The following PTPRN2 variants were observed in gnomAD, a reference collection of about 807,000 sequenced individuals.
PTPRN2 encodes the protein receptor-type tyrosine-protein phosphatase N2.
PTPRN2 carries 74 observed loss-of-function variants against 118.8 expected under a neutral mutation model. That is an observed-to-expected ratio of 0.62 (90% CI 0.52 to 0.76). The LOEUF is 0.76. Among genes scored for constraint, PTPRN2 ranks in the 30% least tolerant of loss-of-function variants. The probability of loss-of-function intolerance (pLI) is 0.00; values close to 1 mark genes in which losing one functional copy is unlikely to be tolerated. For synonymous variants in PTPRN2, 641 were observed against 608.0 expected (o/e 1.05, Z -0.80); for missense variants, 1,481 against 1,394.4 (o/e 1.06, Z -0.99).
rs532247601 is a variant in PTPRN2, at chr7:158,247,463, G to A, written c.278-42190C>T. Reference sequence around the variant, plus strand: ...TCCCAGGTGTGCTCTTCTTCACGGCGCCCCTGCTTCCCCACCACGCCCATG... The same window carrying A: ...TCCCAGGTGTGCTCTTCTTCACGGCACCCCTGCTTCCCCACCACGCCCATG... On this transcript the variant is annotated intron_variant, in intron 3 of 22. Coordinates refer to ENST00000389418, the MANE Select transcript of PTPRN2 (RefSeq NM_002847.5). Among the ~76,000 whole-genome samples, 85 of 152,238 alleles carry A rather than the reference G, an allele frequency of 5.6e-4. 1 individual carries two copies. The highest frequency in any genetic ancestry group is 2.9e-3 in the South Asian group (14 of 4,820).
At chr7:158,389,562 TTAAA>T (rs1246194346) in intron 2 of PTPRN2, among the ~76,000 whole-genome samples, 4 of 152,220 alleles carry the variant, frequency 2.6e-5, no homozygotes, top group African/African-American at 9.6e-5. Flanking sequence ...CTCCTCCTTA[TTAAA>T]TAAATTAAAA....
intron 11 of PTPRN2, among the ~76,000 whole-genome samples, chr7:157,909,141 CA>C (rs780342135): frequency 4.6e-5 from 7 of 152,280 alleles, no homozygotes; most frequent in Non-Finnish European, 8.8e-5. Flanking sequence ...TCACTACTCA[CA>C]GGATTATAAT....
At chr7:157,885,306 C>T (rs1214409490) in intron 12 of PTPRN2, among the ~76,000 whole-genome samples, 2 of 152,164 alleles carry the variant, frequency 1.3e-5, no homozygotes, top group Non-Finnish European at 2.9e-5. Flanking sequence ...ACACCTGCAG[C>T]ACGTTCCTCC....
At chr7:158,221,100 A>G (rs529995609) in intron 3 of PTPRN2, among the ~76,000 whole-genome samples, 34 of 152,314 alleles carry the variant, frequency 2.2e-4, no homozygotes, top group African/African-American at 7.9e-4. Flanking sequence ...AAAGTCAACA[A>G]AAACAAGAAA....
intron 2 of PTPRN2, among the ~76,000 whole-genome samples, chr7:158,403,766 G>A (rs1470593917): frequency 2.6e-5 from 4 of 152,164 alleles, no homozygotes; most frequent in East Asian, 1.9e-4. Context: ...AAAACCCCAC[G>A]AGGCTGAATC....
intron 12 of PTPRN2, among the ~76,000 whole-genome samples, chr7:157,816,648 G>A (rs1240001596): frequency 6.6e-6 from 1 of 152,200 alleles, no homozygotes; most frequent in Non-Finnish European, 1.5e-5. Flanking sequence ...CAGTCTACAG[G>A]CCTCTGGCAC....
intron 12 of PTPRN2, among the ~76,000 whole-genome samples, chr7:157,894,040 T>G (rs896118317): frequency 6.6e-6 from 1 of 152,236 alleles, no homozygotes; most frequent in Non-Finnish European, 1.5e-5. Context: ...AGGGTTTGTC[T>G]GTTTTAGTCA....
intron 3 of PTPRN2, among the ~76,000 whole-genome samples, chr7:158,247,337 T>C (rs1029123460): frequency 6.6e-6 from 1 of 152,116 alleles, no homozygotes; most frequent in Non-Finnish European, 1.5e-5. Context: ...AAGGCCGTGA[T>C]GGGAGGTGGG....
chr7:157,707,192 T>TACAC (rs1798375615), intron 12 of PTPRN2, among the ~76,000 whole-genome samples: 1 of 82,258 alleles, frequency 1.2e-5, no homozygotes, highest in African/African-American at 5.4e-5. Flanking sequence ...AGATACAGCA[T>TACAC]ACACGCACAC....
At chr7:158,567,759 G>C (rs1259298505) in intron 1 of PTPRN2, among the ~76,000 whole-genome samples, 2 of 152,162 alleles carry the variant, frequency 1.3e-5, no homozygotes, top group Non-Finnish European at 2.9e-5. Flanking sequence ...AACACTGGGG[G>C]CTGCACCCCC....
At chr7:158,212,325 A>T (rs1022124527) in intron 3 of PTPRN2, among the ~76,000 whole-genome samples, 3 of 152,220 alleles carry the variant, frequency 2.0e-5, no homozygotes, top group Non-Finnish European at 4.4e-5. Context: ...TGATAGCACA[A>T]CAGGGTAACT....
chr7:157,721,519 G>A (rs1020173415), intron 12 of PTPRN2, among the ~76,000 whole-genome samples: 32 of 152,182 alleles, frequency 2.1e-4, no homozygotes, highest in East Asian at 9.6e-4. Context: ...CCTCCTGACT[G>A]TCAGCCGAGC....
At chr7:158,410,388 G>T (rs746504862) in intron 2 of PTPRN2, among the ~76,000 whole-genome samples, 1 of 152,180 alleles carries the variant, frequency 6.6e-6, no homozygotes, top group Non-Finnish European at 1.5e-5. Flanking sequence ...GTACCCAGGT[G>T]ACTACAGACA....
At chr7:158,273,160 A>T (rs1377580459) in intron 3 of PTPRN2, among the ~76,000 whole-genome samples, 5 of 152,132 alleles carry the variant, frequency 3.3e-5, no homozygotes, top group African/African-American at 1.2e-4. Flanking sequence ...GCCCTTCGGG[A>T]GTGAGCTCGC....
intron 10 of PTPRN2, among the ~76,000 whole-genome samples, chr7:158,101,068 C>A (rs777662782): frequency 2.4e-4 from 36 of 152,160 alleles, no homozygotes; most frequent in Non-Finnish European, 2.1e-4. Flanking sequence ...ATAGCCAAAG[C>A]AAGACTAAGC....
intron 1 of PTPRN2, among the ~76,000 whole-genome samples, chr7:158,506,183 G>A (rs1015573501): frequency 9.9e-5 from 15 of 152,188 alleles, no homozygotes; most frequent in Non-Finnish European, 1.6e-4. Context: ...GGGAGGCTTC[G>A]GCGTCGGACA....
Position 157,932,989 on chromosome 7 carries a change from TCTGA to T in PTPRN2, c.1724-34256_1724-34253del, listed in dbSNP as rs751303662. Among the ~76,000 whole-genome samples the T allele has an allele frequency of 1.2e-3, 149 of 126,124 alleles. 3 individuals carry two copies. The highest frequency in any genetic ancestry group is 2.5e-3 in the South Asian group (9 of 3,662). 82.7% of individuals were successfully genotyped at this position (126,124 alleles called of 152,430 possible). A position where few individuals can be genotyped will look rare whatever the true frequency, so the allele number is the denominator to read the frequency against. ...CAGTTTTAGAGGAGGGGTGAGTCAC[TCTGA>T]CTGACAGTTTTAGAGGAGGGGTGAG... is the stretch of plus-strand genomic sequence containing the variant. On this transcript the variant is annotated intron_variant, in intron 11 of 22. Transcript: ENST00000389418.
intron 2 of PTPRN2, among the ~76,000 whole-genome samples, chr7:158,341,008 C>A (rs1806647102): frequency 1.9e-5 from 1 of 51,342 alleles, no homozygotes; most frequent in Non-Finnish European, 4.1e-5. Flanking sequence ...GAGGTGAAAC[C>A]TGCAGACGTC....
chr7:157,666,119 A>T (rs1330284092), intron 13 of PTPRN2, among the ~76,000 whole-genome samples: 5 of 150,082 alleles, frequency 3.3e-5, no homozygotes, highest in Non-Finnish European at 5.9e-5. Flanking sequence ...TGTACCCTAG[A>T]ACTTAAAGTA....
Sources: gnomAD v4.1 joint callset for allele counts (sites outside exome capture counted in the v4.1 genomes callset) on GRCh38, gnomAD v4.1.1 for gene constraint, MANE v1.5 for transcripts, NCBI Gene and HGNC (gene_info 2026-07-23, HGNC 2026-07-21) for gene names.